Variants in ULK4 observed in about 807,000 individuals in gnomAD.
The protein encoded by ULK4 is inactive serine/threonine-protein kinase ULK4.
Under a neutral mutation model 160.6 loss-of-function variants are expected in ULK4, and 133 were observed. The ratio of observed to expected loss-of-function variants is 0.83; its 90% CI spans 0.72 to 0.96. ULK4 has a LOEUF of 0.96. Ranked by LOEUF, ULK4 falls within the 40% of genes least tolerant of loss-of-function variation. The pLI, the probability that ULK4 is intolerant of heterozygous loss-of-function variation, is 0.00. For missense variants in ULK4, 1,580 were observed against 1,499.5 expected (o/e 1.05, Z -0.89); for synonymous variants, 534 against 539.8 (o/e 0.99, Z 0.15).
chr3:41,739,077 T>C (rs1302829329), intron 22 of ULK4, among the ~76,000 whole-genome samples: 2 of 151,940 alleles, frequency 1.3e-5, no homozygotes, highest in African/African-American at 4.9e-5. Context: ...GAATAAACAT[T>C]ACGATTGAAA....
chr3:41,464,887 T>A, intron 32 of ULK4, among the ~76,000 whole-genome samples: 1 of 152,204 alleles, frequency 6.6e-6, no homozygotes, highest in East Asian at 1.9e-4. Flanking sequence ...GGCATCAATG[T>A]TCTTCTTGAA....
intron 18 of ULK4, among the ~76,000 whole-genome samples, chr3:41,825,081 C>G (rs145844483): frequency 6.6e-6 from 1 of 151,970 alleles, no homozygotes. Flanking sequence ...CAGCAAACTC[C>G]AACAGACCTG....
chr3:41,345,584 T>C (rs1425215719), intron 35 of ULK4, among the ~76,000 whole-genome samples: 2 of 152,090 alleles, frequency 1.3e-5, no homozygotes, highest in African/African-American at 4.8e-5. Context: ...TGAGAACATA[T>C]GGACACATAG....
intron 22 of ULK4, among the ~76,000 whole-genome samples, chr3:41,752,225 T>C (rs1282122988): frequency 2.0e-5 from 3 of 152,226 alleles, no homozygotes; most frequent in Non-Finnish European, 2.9e-5. Context: ...TTCTCTTTTC[T>C]TGCCCTAACT....
chr3:41,610,282 G>C (rs2032610849), intron 31 of ULK4, among the ~76,000 whole-genome samples: 1 of 152,004 alleles, frequency 6.6e-6, no homozygotes, highest in Non-Finnish European at 1.5e-5. Context: ...CTCCCAAAGT[G>C]CTGGAATTAC....
intron 34 of ULK4, among the ~76,000 whole-genome samples, chr3:41,440,846 T>C (rs1456163146): frequency 6.6e-6 from 1 of 152,110 alleles, no homozygotes; most frequent in East Asian, 1.9e-4. Context: ...ATTCAGGTTG[T>C]TTTTTTCTTG....
At chr3:41,764,581 A>G (rs1371125108) in intron 21 of ULK4, among the ~76,000 whole-genome samples, 2 of 152,196 alleles carry the variant, frequency 1.3e-5, no homozygotes, top group Non-Finnish European at 2.9e-5. Context: ...GAAAACAAAA[A>G]ACTTAAAAGA....
intron 30 of ULK4, among the ~76,000 whole-genome samples, chr3:41,657,644 C>T (rs555976189): frequency 6.6e-6 from 1 of 151,466 alleles, no homozygotes; most frequent in Non-Finnish European, 1.5e-5. Context: ...ATGGTGAAAC[C>T]CCATCTCTAC....
intron 31 of ULK4, among the ~76,000 whole-genome samples, chr3:41,570,441 T>A (rs2087931202): frequency 6.6e-6 from 1 of 152,206 alleles, no homozygotes; most frequent in Non-Finnish European, 1.5e-5. Flanking sequence ...TGACACTACA[T>A]GTTACTCGTG....
At chr3:41,664,565 T>G (rs2035293778) in intron 29 of ULK4, among the ~76,000 whole-genome samples, 1 of 152,108 alleles carries the variant, frequency 6.6e-6, no homozygotes, top group African/African-American at 2.4e-5. Flanking sequence ...TGTATCAAAA[T>G]TCCAGATTCC....
chr3:41,457,351 C>A (rs1160235960), intron 33 of ULK4, among the ~76,000 whole-genome samples: 1 of 152,150 alleles, frequency 6.6e-6, no homozygotes, highest in Non-Finnish European at 1.5e-5. Flanking sequence ...CCTCCAAGAT[C>A]TGCATAGTCA....
intron 20 of ULK4, among the ~76,000 whole-genome samples, chr3:41,798,458 A>G (rs1162923124): frequency 6.6e-6 from 1 of 152,204 alleles, no homozygotes; most frequent in African/African-American, 2.4e-5. Flanking sequence ...TGTATAATCA[A>G]TGTTATATAT....
intron 1 of ULK4, among the ~76,000 whole-genome samples, chr3:41,959,885 GC>G (rs1333230031): frequency 2.0e-5 from 3 of 152,130 alleles, no homozygotes; most frequent in African/African-American, 7.2e-5. Flanking sequence ...AAGTTACTAA[GC>G]CAGAAAAAAT....
chr3:41,781,020 G>A (rs901644515), intron 21 of ULK4, among the ~76,000 whole-genome samples: 4 of 150,038 alleles, frequency 2.7e-5, no homozygotes, highest in Non-Finnish European at 5.9e-5. Flanking sequence ...GATAGAGGCA[G>A]AAAGAGAGAT....
chr3:41,586,938 A>C (rs2030858958), intron 31 of ULK4, among the ~76,000 whole-genome samples: 1 of 152,136 alleles, frequency 6.6e-6, no homozygotes, highest in South Asian at 2.1e-4. Context: ...GGGGCAAAAA[A>C]CACACCACCA....
chr3:41,807,142 A>C (rs548881457), intron 19 of ULK4, among the ~76,000 whole-genome samples: 1 of 152,166 alleles, frequency 6.6e-6, no homozygotes, highest in South Asian at 2.1e-4. Flanking sequence ...AAATAAAAAA[A>C]TTTACAACAC....
chr3:41,635,295 G>C (rs1054234646), intron 30 of ULK4, among the ~76,000 whole-genome samples: 1 of 151,710 alleles, frequency 6.6e-6, no homozygotes, highest in South Asian at 2.1e-4. Flanking sequence ...CCTTAAGATG[G>C]ATTATGGATT....
intron 31 of ULK4, among the ~76,000 whole-genome samples, chr3:41,606,786 C>T (rs2032401988): frequency 6.6e-6 from 1 of 151,966 alleles, no homozygotes; most frequent in Admixed American, 6.6e-5. Flanking sequence ...CTATTCAGAG[C>T]CTTTGCCCAT....
intron 15 of ULK4, among the ~76,000 whole-genome samples, chr3:41,896,157 C>A (rs1460086334): frequency 6.6e-6 from 1 of 152,144 alleles, no homozygotes; most frequent in African/African-American, 2.4e-5. Flanking sequence ...ACCAGATGAC[C>A]CAGTAAAGGA....
Sources: gnomAD v4.1 joint callset for allele counts (sites outside exome capture counted in the v4.1 genomes callset) on GRCh38, gnomAD v4.1.1 for gene constraint, MANE v1.5 for transcripts, NCBI Gene and HGNC (gene_info 2026-07-23, HGNC 2026-07-21) for gene names.